HDAC9: variants seen among roughly 807,000 people sequenced by gnomAD.
HDAC9 encodes histone deacetylase 9.
Under a neutral mutation model 139.4 loss-of-function variants are expected in HDAC9, and 41 were observed. The ratio of observed to expected loss-of-function variants is 0.29; its 90% CI spans 0.23 to 0.38. The LOEUF is 0.38. HDAC9 is among the 10% of genes least tolerant of loss of function. The probability of loss-of-function intolerance (pLI) is 1.00; values close to 1 mark genes in which losing one functional copy is unlikely to be tolerated. For synonymous variants in HDAC9, 517 were observed against 476.2 expected (o/e 1.09, Z -1.12); for missense variants, 1,147 against 1,297.0 (o/e 0.88, Z 1.78).
rs1426543987 is a variant in HDAC9 at position 18,574,936 on chromosome 7, C to T, written c.23-10345C>T. ...TGGGTCCATAGCTGCAGCTGCACCC[C>T]GGAGGGTGGGGCTTCTGCCCCTCAA... On this transcript the variant is annotated intron_variant, in intron 2 of 25. Transcript: ENST00000686413. 2.6e-5 allele frequency among the ~76,000 whole-genome samples: 4 copies of T among 152,270 alleles called. No homozygotes were observed. The South Asian group carries it at 6.2e-4, about 24-fold the overall frequency.
upstream of HDAC9, among the ~76,000 whole-genome samples, chr7:18,286,757 G>T (rs1421962332): frequency 6.6e-6 from 1 of 152,056 alleles, no homozygotes; most frequent in Non-Finnish European, 1.5e-5. Flanking sequence ...TAGGAAAAAG[G>T]TAATTAAATT....
At chr7:18,208,372 CTTTTTTTT>C (rs71553923) in intron 2 of HDAC9, among the ~76,000 whole-genome samples, 1 of 130,554 alleles carries the variant, frequency 7.7e-6, no homozygotes, top group African/African-American at 2.9e-5. Flanking sequence ...CTGAGAGTAT[CTTTTTTTT>C]TTTTTTTTTT....
intron 1 of HDAC9, among the ~76,000 whole-genome samples, chr7:18,336,181 A>G (rs1451434695): frequency 6.6e-6 from 1 of 151,610 alleles, no homozygotes; most frequent in Admixed American, 6.6e-5. Context: ...CAAGATAGAA[A>G]TTAATAGCAC....
chr7:18,865,957 T>C (rs992526376), intron 21 of HDAC9, among the ~76,000 whole-genome samples: 1 of 151,572 alleles, frequency 6.6e-6, no homozygotes, highest in East Asian at 1.9e-4. Context: ...TATAATATGC[T>C]ATTATAAATT....
chr7:18,979,859 G>C (rs1452279592), intron 25 of HDAC9, among the ~76,000 whole-genome samples: 1 of 152,134 alleles, frequency 6.6e-6, no homozygotes, highest in South Asian at 2.1e-4. Context: ...GATGGTGCAA[G>C]CCATTCATGA....
intron 2 of HDAC9, among the ~76,000 whole-genome samples, chr7:18,551,530 T>C (rs1335556656): frequency 2.6e-5 from 4 of 152,162 alleles, no homozygotes; most frequent in Non-Finnish European, 5.9e-5. Context: ...ATAGAAACCC[T>C]GACAATGTGT....
intron 12 of HDAC9, among the ~76,000 whole-genome samples, chr7:18,717,521 C>A (rs945377080): frequency 3.3e-5 from 5 of 151,438 alleles, no homozygotes; most frequent in Non-Finnish European, 2.9e-5. Flanking sequence ...AACCTCCGCC[C>A]CCCAGGTTCA....
chr7:18,854,442 C>T (rs192324595), intron 21 of HDAC9, among the ~76,000 whole-genome samples: 12 of 152,048 alleles, frequency 7.9e-5, no homozygotes, highest in African/African-American at 2.2e-4. Flanking sequence ...ATTGTAATGA[C>T]GTTGATAATG....
In HDAC9 at chr7:18,496,271, C is replaced by A; in HGVS notation, c.-32C>A. The A allele has an allele frequency of 6.2e-7, 1 of 1,613,122 alleles. No homozygotes were observed. The highest frequency in any genetic ancestry group is 1.3e-5 in the African/African-American group (1 of 74,946). On this transcript the variant is annotated 5_prime_UTR_variant, in exon 2 of 26. In the 5' UTR this introduces an upstream ATG that the reference lacks. Coordinates refer to ENST00000686413, the MANE Select transcript of HDAC9 (RefSeq NM_178425.4). ...TCCTGTTTTTCCTCAGATGGGGTGG[C>A]TGGACGAGAGCAGCTCTTGGCTCAG...
At chr7:18,744,181 G>T (rs996794482) in intron 13 of HDAC9, among the ~76,000 whole-genome samples, 1 of 151,832 alleles carries the variant, frequency 6.6e-6, no homozygotes, top group Non-Finnish European at 1.5e-5. Flanking sequence ...TAGTAGAGAC[G>T]GGGTTTCTCC....
At chr7:18,570,904 T>C (rs1824073504) in intron 2 of HDAC9, among the ~76,000 whole-genome samples, 1 of 152,250 alleles carries the variant, frequency 6.6e-6, no homozygotes, top group Non-Finnish European at 1.5e-5. Flanking sequence ...GCTGTTACTC[T>C]TTGTGCTTAC....
intron 1 of HDAC9, among the ~76,000 whole-genome samples, chr7:18,300,990 A>G (rs1288407682): frequency 6.6e-6 from 1 of 152,192 alleles, no homozygotes; most frequent in African/African-American, 2.4e-5. Context: ...ATAAAGAATT[A>G]TTAAGTTGAG....
At chr7:18,903,413 C>T (rs1249826961) in intron 22 of HDAC9, among the ~76,000 whole-genome samples, 1 of 152,198 alleles carries the variant, frequency 6.6e-6, no homozygotes, top group East Asian at 1.9e-4. Context: ...AGTTTTAATC[C>T]ATTTTCATCT....
At chr7:18,800,112 A>T (rs1308614367) in intron 17 of HDAC9, among the ~76,000 whole-genome samples, 1 of 152,234 alleles carries the variant, frequency 6.6e-6, no homozygotes, top group Non-Finnish European at 1.5e-5. Context: ...GGATGACATC[A>T]TCAAAGTGCT....
At position 18,835,225 on chromosome 7, in the gene HDAC9, C is replaced by G. The variant is rs41273075; in HGVS notation, c.2467-242C>G. Among the ~76,000 whole-genome samples the G allele has an allele frequency of 9.7e-3, 1,479 of 152,076 alleles. 13 individuals are homozygous for G. The highest frequency in any genetic ancestry group is 0.015 in the Non-Finnish European group (1,048 of 68,002). ...CTCCAGGGCATGCTCGCTGTGGTTT[C>G]CTGATTTTTAGAAGCCAGTTTAAAA... is the stretch of plus-strand genomic sequence containing the variant. On this transcript the variant is annotated intron_variant, in intron 19 of 25. Coordinates refer to ENST00000686413, the MANE Select transcript of HDAC9 (RefSeq NM_178425.4).
At chr7:18,329,935 T>C (rs570044055) in intron 1 of HDAC9, among the ~76,000 whole-genome samples, 1 of 151,664 alleles carries the variant, frequency 6.6e-6, no homozygotes, top group South Asian at 2.1e-4. Flanking sequence ...ATTTTACTTC[T>C]AAGGTACTTT....
At chr7:18,827,433 TAGAA>T (rs1197344559) in intron 17 of HDAC9, among the ~76,000 whole-genome samples, 1 of 152,150 alleles carries the variant, frequency 6.6e-6, no homozygotes, top group Non-Finnish European at 1.5e-5. Flanking sequence ...AATTATTTTC[TAGAA>T]AGTATCTAAT....
At position 18,658,294 on chromosome 7, in the gene HDAC9, A is replaced by G. The variant is rs571812736; in HGVS notation, c.1468-7919A>G. On this transcript the variant is annotated intron_variant, in intron 11 of 25. Coordinates refer to ENST00000686413, the MANE Select transcript of HDAC9 (RefSeq NM_178425.4). ...AAACGCTCAATAAAAAATTATTGGA[A>G]GAATGAAAAAATGGGTGGGCAATGT... 4.6e-5 allele frequency among the ~76,000 whole-genome samples: 7 copies of G among 152,288 alleles called. 1 individual carries two copies. The East Asian group carries it at 1.4e-3, about 29-fold the overall frequency.
At chr7:18,374,203 A>G (rs202204400) in intron 1 of HDAC9, among the ~76,000 whole-genome samples, 2,732 of 130,250 alleles carry the variant, frequency 0.021, 41 homozygotes, top group East Asian at 0.091. Context: ...ATGTGTGTAT[A>G]TATATATATA....
Sources: allele counts gnomAD v4.1 joint callset (sites outside exome capture counted in the v4.1 genomes callset), GRCh38; gene constraint gnomAD v4.1.1; transcripts MANE v1.5; gene names NCBI Gene and HGNC (gene_info 2026-07-23, HGNC 2026-07-21).